Variants in FKBP3 observed in about 807,000 individuals in gnomAD.
FKBP3 encodes the protein FKBP prolyl isomerase 3.
FKBP3 carries 21 observed loss-of-function variants against 30.6 expected under a neutral mutation model. The ratio of observed to expected loss-of-function variants is 0.69; its 90% CI spans 0.49 to 0.99. FKBP3 has a LOEUF of 0.99. Ranked by LOEUF, FKBP3 falls within the 50% of genes least tolerant of loss-of-function variation. FKBP3 has a pLI of 0.00. For missense variants in FKBP3, 283 were observed against 261.6 expected, an observed-to-expected ratio of 1.08 and a Z score of -0.56; for synonymous variants, 82 against 91.3, an observed-to-expected ratio of 0.90 and a Z score of 0.58.
chr14:45,124,610 T>C (rs886545818), intron 3 of FKBP3, among the ~76,000 whole-genome samples: 3 of 151,844 alleles, frequency 2.0e-5, no homozygotes, highest in Non-Finnish European at 4.4e-5. Context: ...GCTGGAGTGA[T>C]CATACCACTG....
At chr14:45,116,448 A>C (rs1884836729) in intron 6 of FKBP3, among the ~76,000 whole-genome samples, 196 bp from the exon 7 acceptor site, 1 of 151,214 alleles carries the variant, frequency 6.6e-6, no homozygotes, top group African/African-American at 2.4e-5. Context: ...CCAAAACAAA[A>C]GTAATGTCAT....
In FKBP3 at chr14:45,116,088, A is replaced by G. The variant is rs1884826961; in HGVS notation, c.*110T>C. On this transcript the variant is annotated 3_prime_UTR_variant, in exon 7 of 7. Transcript: ENST00000396062. The stretch of plus-strand genomic sequence containing the variant: ...ATTTTATTAACTCCTTGAATTTTCC[A>G]GTTGACTCTTCCTTTACAATAGTAA... 1.3e-6 allele frequency: 1 copy of G among 746,134 alleles called. No individual in the cohort carries two copies. Among genetic ancestry groups the G allele is most frequent in the Non-Finnish European group, 2.3e-6 (1 of 437,668 alleles). The allele number at this position is 746,134 out of a possible 1,614,324, so 46.2% of individuals were successfully genotyped here. A position where few individuals can be genotyped will look rare whatever the true frequency, so the allele number is the denominator to read the frequency against.
chr14:45,119,922 C>T (rs1348781944), intron 5 of FKBP3, among the ~76,000 whole-genome samples: 1 of 152,000 alleles, frequency 6.6e-6, no homozygotes, highest in Non-Finnish European at 1.5e-5. Context: ...TCCTGACCGA[C>T]CTTGTGATCC....
chr14:45,126,151 A>T (rs1594743863), intron 3 of FKBP3, among the ~76,000 whole-genome samples: 1 of 151,102 alleles, frequency 6.6e-6, no homozygotes, highest in East Asian at 2.1e-4. Flanking sequence ...TTGGCCTCCC[A>T]AAGTGCTGGG....
At chr14:45,121,017 T>C (rs1270769887) in intron 4 of FKBP3, 63 bp from the exon 5 acceptor site, 16 of 1,255,706 alleles carry the variant, frequency 1.3e-5, no homozygotes, top group South Asian at 6.5e-5. Context: ...GAAATTTCCA[T>C]TGGAAATTAT....
intron 2 of FKBP3, among the ~76,000 whole-genome samples, chr14:45,130,346 T>A (rs1038440727): frequency 1.3e-5 from 2 of 152,352 alleles, no homozygotes; most frequent in Admixed American, 1.3e-4. Flanking sequence ...ATTTTCAATA[T>A]AACATTTAAC....
rs1716706503 is a variant in FKBP3, at chr14:45,129,778, AT to A, written c.318+15del. On this transcript the variant is annotated intron_variant, in intron 3 of 6. Coordinates refer to ENST00000396062, the MANE Select transcript of FKBP3 (RefSeq NM_002013.4). ...AGACTCCACATGATAAAATAAAAAA[AT>A]AATTATATACAGACCTCATCCAGGG... is the stretch of plus-strand genomic sequence containing the variant. The A allele has an allele frequency of 7.0e-7, 1 of 1,437,970 alleles. No homozygotes were observed. The highest frequency in any genetic ancestry group is 1.4e-5 in the African/African-American group (1 of 69,216). The allele number at this position is 1,437,970 out of a possible 1,614,324, so 89.1% of individuals were successfully genotyped here. A position where few individuals can be genotyped will look rare whatever the true frequency, so the allele number is the denominator to read the frequency against.
intron 3 of FKBP3, among the ~76,000 whole-genome samples, chr14:45,123,218 G>A (rs915231499): frequency 6.6e-6 from 1 of 150,530 alleles, no homozygotes; most frequent in Non-Finnish European, 1.5e-5. Context: ...CTTGCAAATA[G>A]TCTACCTCTT....
rs754654289 is a variant in FKBP3 at position 45,118,064 on chromosome 14, T to A, written c.584A>T (p.Glu195Val). The A allele has an allele frequency of 1.2e-6, 2 of 1,609,232 alleles. No homozygotes were observed. The highest frequency in any genetic ancestry group is 2.2e-5 in the South Asian group (2 of 89,942). Reference sequence around the variant, plus strand: ...CTGTCCTTTCTTTCCGTAAGCCCATTCTGGTTCAATCTCCAGTCGAGCCTT... The same window carrying A: ...CTGTCCTTTCTTTCCGTAAGCCCATACTGGTTCAATCTCCAGTCGAGCCTT... ...GEKARLEIEP[E>V]WAYGKKGQPD... Residue 195 changes from glutamate (E) to valine (V), a missense_variant, in exon 6 of 7, where the codon GAA becomes GTA. Glu to Val is a moderately radical substitution (Grantham distance 121). Coordinates refer to ENST00000396062, the MANE Select transcript of FKBP3 (RefSeq NM_002013.4).
At chr14:45,120,193 A>G (rs1275023288) in intron 5 of FKBP3, among the ~76,000 whole-genome samples, 1 of 152,200 alleles carries the variant, frequency 6.6e-6, no homozygotes, top group African/African-American at 2.4e-5. Flanking sequence ...TAAAACAAAC[A>G]ATGGGCACAA....
chr14:45,127,113 G>GTTTTTTTTTTTT (rs1699813615), intron 3 of FKBP3, among the ~76,000 whole-genome samples: 1 of 110,138 alleles, frequency 9.1e-6, no homozygotes, highest in African/African-American at 5.1e-5. Flanking sequence ...GACTGACCCT[G>GTTTTTTTTTTTT]TCTTTTTTTT....
chr14:45,134,329 CG>C lies in FKBP3; in HGVS notation c.108+19del, dbSNP rs753414901. On this transcript the variant is annotated intron_variant, in intron 1 of 6. Coordinates refer to ENST00000396062, the MANE Select transcript of FKBP3 (RefSeq NM_002013.4). ...CGTCCCTCAGCCGCACCAGCCCGGCCGCCCCTACGCCTCTGGTACCGAATCT... is the reference window on the plus strand; with the variant it reads ...CGTCCCTCAGCCGCACCAGCCCGGCCCCCCTACGCCTCTGGTACCGAATCT... The C allele has an allele frequency of 2.5e-6, 4 of 1,588,892 alleles. No individual in the cohort carries two copies. The highest frequency in any genetic ancestry group is 8.6e-7 in the Non-Finnish European group (1 of 1,158,312).
At chr14:45,133,125 TTCTA>T (rs1014376325) in intron 1 of FKBP3, among the ~76,000 whole-genome samples, 7 of 152,220 alleles carry the variant, frequency 4.6e-5, no homozygotes, top group African/African-American at 1.7e-4. Flanking sequence ...TGGAGAGTTC[TTCTA>T]TCTCCCTGTC....
intron 3 of FKBP3, among the ~76,000 whole-genome samples, chr14:45,123,950 C>T (rs1343682223): frequency 1.3e-5 from 2 of 151,962 alleles, no homozygotes; most frequent in Admixed American, 1.3e-4. Flanking sequence ...AGTTACCCCT[C>T]CACAAATCAG....
At position 45,118,051 on chromosome 14, in the gene FKBP3, T is replaced by A. The variant is rs1185976377; in HGVS notation, c.597A>T (p.Gly199=). 6.2e-7 allele frequency: 1 copy of A among 1,604,846 alleles called. No individual in the cohort carries two copies. The highest frequency in any genetic ancestry group is 8.5e-7 in the Non-Finnish European group (1 of 1,177,306). ...ACTTGGCATCAGGCTGTCCTTTCTT[T>A]CCGTAAGCCCATTCTGGTTCAATCT... The part of the protein sequence containing the change: ...RLEIEPEWAY[G]KKGQPDAKIP... The change falls in exon 6 of 7, where the codon GGA becomes GGT. Residue 199 remains glycine (G), a synonymous_variant. Transcript: ENST00000396062.
Position 45,134,458 on chromosome 14 carries a change from T to C in FKBP3, c.-2A>G. The C allele has an allele frequency of 1.9e-6, 3 of 1,608,932 alleles. No homozygotes were observed. Among genetic ancestry groups the C allele is most frequent in the Non-Finnish European group, 2.5e-6 (3 of 1,177,308 alleles). On this transcript the variant is annotated 5_prime_UTR_variant, in exon 1 of 7. Coordinates refer to ENST00000396062, the MANE Select transcript of FKBP3 (RefSeq NM_002013.4). Reference sequence around the variant, plus strand: ...CCGCTGTGGAACGGCCGCCGCCATCTTCCCCCGCTGCCTCCGCTTTACTGA... The same window carrying C: ...CCGCTGTGGAACGGCCGCCGCCATCCTCCCCCGCTGCCTCCGCTTTACTGA...
chr14:45,133,641 T>A (rs1376133196), intron 1 of FKBP3, among the ~76,000 whole-genome samples: 1 of 152,196 alleles, frequency 6.6e-6, no homozygotes, highest in Non-Finnish European at 1.5e-5. Context: ...GAAAAACAAG[T>A]GTAACAAAAA....
At chr14:45,124,629 TGA>T (rs1885059057) in intron 3 of FKBP3, among the ~76,000 whole-genome samples, 1 of 151,830 alleles carries the variant, frequency 6.6e-6, no homozygotes, top group Non-Finnish European at 1.5e-5. Flanking sequence ...TGTAAAATAC[TGA>T]GATATTTTAC....
At chr14:45,116,473 G>GGA (rs1884839283) in intron 6 of FKBP3, among the ~76,000 whole-genome samples, 1 of 151,140 alleles carries the variant, frequency 6.6e-6, no homozygotes, top group South Asian at 2.1e-4. Flanking sequence ...GCTGGGGGGG[G>GGA]GTGGAACAAA....
Sources: gnomAD v4.1 joint callset for allele counts (sites outside exome capture counted in the v4.1 genomes callset) on GRCh38, gnomAD v4.1.1 for gene constraint, MANE v1.5 for transcripts, NCBI Gene and HGNC (gene_info 2026-07-23, HGNC 2026-07-21) for gene names.